The following ITGA8 variants were observed in gnomAD, a reference collection of about 807,000 sequenced individuals.
ITGA8 encodes integrin subunit alpha 8, also known as integrin alpha-8.
A neutral mutation model predicts 142.3 loss-of-function variants in ITGA8; 91 were observed. The ratio of observed to expected loss-of-function variants is 0.64; its 90% CI spans 0.54 to 0.76. ITGA8 has a LOEUF of 0.76. Among genes scored for constraint, ITGA8 ranks in the 30% least tolerant of loss-of-function variants. ITGA8 has a pLI of 0.00. For missense variants in ITGA8, 1,406 were observed against 1,327.7 expected, an observed-to-expected ratio of 1.06 and a Z score of -0.92; for synonymous variants, 505 against 485.2, an observed-to-expected ratio of 1.04 and a Z score of -0.54.
chr10:15,697,758 C>A (rs1343603228), intron 2 of ITGA8, among the ~76,000 whole-genome samples: 2 of 152,062 alleles, frequency 1.3e-5, no homozygotes, highest in Non-Finnish European at 2.9e-5. Context: ...TATATCCAGC[C>A]ATTTAAAAAT....
chr10:15,577,851 A>T (rs1482475899), intron 23 of ITGA8, among the ~76,000 whole-genome samples: 2 of 152,208 alleles, frequency 1.3e-5, no homozygotes, highest in Non-Finnish European at 2.9e-5. Context: ...ATAGAACGTT[A>T]TCCCAGTAAG....
chr10:15,637,190 A>G (rs1833786208), intron 13 of ITGA8, among the ~76,000 whole-genome samples: 1 of 152,168 alleles, frequency 6.6e-6, no homozygotes, highest in Non-Finnish European at 1.5e-5. Context: ...GCATCCTAGA[A>G]TGCAGTTTTT....
At chr10:15,534,338 C>T (rs1300649686) in intron 27 of ITGA8, among the ~76,000 whole-genome samples, 1 of 152,190 alleles carries the variant, frequency 6.6e-6, no homozygotes, top group Non-Finnish European at 1.5e-5. Flanking sequence ...GGAAGGTTCA[C>T]ATTGTTGTTT....
At chr10:15,548,945 T>C (rs897845401) in intron 26 of ITGA8, among the ~76,000 whole-genome samples, 1 of 152,164 alleles carries the variant, frequency 6.6e-6, no homozygotes, top group African/African-American at 2.4e-5. Context: ...GCCTATATTA[T>C]CTCAAAGATC....
intron 8 of ITGA8, among the ~76,000 whole-genome samples, chr10:15,666,068 G>A (rs1245020107): frequency 6.6e-6 from 1 of 152,224 alleles, no homozygotes; most frequent in Admixed American, 6.5e-5. Flanking sequence ...GTCATTGGTA[G>A]CTTGATGGGG....
intron 22 of ITGA8, among the ~76,000 whole-genome samples, chr10:15,588,070 T>C (rs902677361): frequency 6.6e-6 from 1 of 152,132 alleles, no homozygotes; most frequent in African/African-American, 2.4e-5. Context: ...AGGCCTCCTC[T>C]TTTTTCATCA....
chr10:15,543,328 C>T (rs1481674634), intron 27 of ITGA8, among the ~76,000 whole-genome samples: 1 of 152,144 alleles, frequency 6.6e-6, no homozygotes, highest in East Asian at 1.9e-4. Flanking sequence ...TAGTTTTTTG[C>T]ACATCACTTT....
chr10:15,614,825 T>C (rs1451612041), intron 14 of ITGA8, among the ~76,000 whole-genome samples: 2 of 152,142 alleles, frequency 1.3e-5, no homozygotes, highest in Non-Finnish European at 2.9e-5. Context: ...TTTTGTTACA[T>C]AATTTTGCTT....
chr10:15,525,980 C>T (rs1017897363), intron 28 of ITGA8, among the ~76,000 whole-genome samples: 3 of 152,190 alleles, frequency 2.0e-5, no homozygotes, highest in South Asian at 2.1e-4. Flanking sequence ...GTAACACAAC[C>T]GTGTTTAATG....
intron 4 of ITGA8, among the ~76,000 whole-genome samples, chr10:15,682,636 C>T (rs981574290): frequency 3.3e-5 from 5 of 152,126 alleles, no homozygotes; most frequent in Admixed American, 2.6e-4. Context: ...GGATGGATCG[C>T]ATGAGCACAG....
At chr10:15,708,767 A>C (rs72781829) in intron 2 of ITGA8, among the ~76,000 whole-genome samples, 1 of 152,076 alleles carries the variant, frequency 6.6e-6, no homozygotes, top group Non-Finnish European at 1.5e-5. Flanking sequence ...AATATGTTAA[A>C]TAATAAATGT....
At chr10:15,530,756 G>A (rs180947040) in intron 28 of ITGA8, among the ~76,000 whole-genome samples, 18 of 152,180 alleles carry the variant, frequency 1.2e-4, no homozygotes, top group African/African-American at 4.1e-4. Flanking sequence ...GAATCAGTAC[G>A]ATTTCATTGT....
At chr10:15,593,403 A>T (rs979322516) in intron 21 of ITGA8, among the ~76,000 whole-genome samples, 2 of 152,182 alleles carry the variant, frequency 1.3e-5, no homozygotes, top group African/African-American at 4.8e-5. Flanking sequence ...CTGGGGTAGG[A>T]GCTGTTGTTG....
Position 15,616,501 on chromosome 10 carries a change from A to G in ITGA8, c.1445+13T>C, listed in dbSNP as rs771924229. The G allele has an allele frequency of 5.6e-6, 9 of 1,596,806 alleles. No homozygotes were observed. In the Admixed American group the frequency reaches 1.3e-4, roughly 24 times the overall value. On this transcript the variant is annotated intron_variant, in intron 14 of 29. Coordinates refer to ENST00000378076, the MANE Select transcript of ITGA8 (RefSeq NM_003638.3). ...ACAATGAGAAAAACATTTGAATACT[A>G]CCAACCACATACCTGTAAACAGCGA...
intron 23 of ITGA8, among the ~76,000 whole-genome samples, chr10:15,576,487 G>A (rs1437416998): frequency 2.0e-5 from 3 of 152,130 alleles, no homozygotes; most frequent in Non-Finnish European, 4.4e-5. Flanking sequence ...GGTAAAACAT[G>A]TCTTTAAAAG....
At chr10:15,578,010 T>C (rs1358097638) in intron 23 of ITGA8, among the ~76,000 whole-genome samples, 1 of 152,176 alleles carries the variant, frequency 6.6e-6, no homozygotes, top group African/African-American at 2.4e-5. Context: ...AAGAAATAAC[T>C]TGGAGAGATT....
At chr10:15,554,045 A>G (rs544390735) in intron 26 of ITGA8, among the ~76,000 whole-genome samples, 47 of 152,276 alleles carry the variant, frequency 3.1e-4, no homozygotes, top group African/African-American at 1.1e-3. Context: ...TGGGATTTTC[A>G]GGAATATGAT....
intron 3 of ITGA8, among the ~76,000 whole-genome samples, chr10:15,685,148 G>A (rs953215776): frequency 6.6e-6 from 1 of 152,128 alleles, no homozygotes; most frequent in Admixed American, 6.5e-5. Context: ...CATTTCCAAG[G>A]CATTAAACAC....
intron 13 of ITGA8, among the ~76,000 whole-genome samples, chr10:15,643,646 A>G (rs1453200807): frequency 6.6e-6 from 1 of 152,208 alleles, no homozygotes; most frequent in Non-Finnish European, 1.5e-5. Flanking sequence ...GGTTCATGCT[A>G]TAATAGGAGC....
Sources: gnomAD v4.1 joint callset for allele counts (sites outside exome capture counted in the v4.1 genomes callset) on GRCh38, gnomAD v4.1.1 for gene constraint, MANE v1.5 for transcripts, NCBI Gene and HGNC (gene_info 2026-07-23, HGNC 2026-07-21) for gene names.